The following GRID2 variants were observed in gnomAD, a reference collection of about 807,000 sequenced individuals.
The protein encoded by GRID2 is glutamate ionotropic receptor delta type subunit 2.
A neutral mutation model predicts 114.8 loss-of-function variants in GRID2; 33 were observed. That is an observed-to-expected ratio of 0.29 (90% CI 0.22 to 0.38). The LOEUF (loss-of-function observed/expected upper bound fraction) is 0.38. Ranked by LOEUF, GRID2 falls within the 10% of genes least tolerant of loss-of-function variation. GRID2 has a pLI of 1.00. For missense variants in GRID2, 1,184 were observed against 1,257.7 expected, an observed-to-expected ratio of 0.94 and a Z score of 0.89; for synonymous variants, 505 against 449.9, an observed-to-expected ratio of 1.12 and a Z score of -1.55.
intron 14 of GRID2, among the ~76,000 whole-genome samples, chr4:93,660,503 T>G (rs959999524): frequency 6.6e-6 from 1 of 152,208 alleles, no homozygotes; most frequent in African/African-American, 2.4e-5. Flanking sequence ...TTATTTTGAT[T>G]GAATCTTCTG....
intron 11 of GRID2, among the ~76,000 whole-genome samples, chr4:93,461,356 AAT>A (rs1723723015): frequency 6.6e-6 from 1 of 152,126 alleles, no homozygotes. Context: ...TGAAAAAGAG[AAT>A]AAATCAATGA....
chr4:93,635,456 A>G (rs1214549984), intron 14 of GRID2, among the ~76,000 whole-genome samples: 2 of 151,070 alleles, frequency 1.3e-5, no homozygotes, highest in Non-Finnish European at 3.0e-5. Context: ...ATTTTATGCT[A>G]TAAGATGTGA....
intron 1 of GRID2, among the ~76,000 whole-genome samples, chr4:92,444,210 G>C (rs1049767591): frequency 6.6e-6 from 1 of 152,166 alleles, no homozygotes; most frequent in African/African-American, 2.4e-5. Flanking sequence ...AAATTCATGC[G>C]CGTCTGTGTG....
At chr4:92,410,123 CT>C (rs1160902584) in intron 1 of GRID2, among the ~76,000 whole-genome samples, 1 of 152,170 alleles carries the variant, frequency 6.6e-6, no homozygotes, top group Admixed American at 6.6e-5. Context: ...TGCCATTAAA[CT>C]TTTTGGGTTT....
At chr4:93,289,469 C>G (rs1459917410) in intron 8 of GRID2, among the ~76,000 whole-genome samples, 1 of 152,126 alleles carries the variant, frequency 6.6e-6, no homozygotes, top group East Asian at 1.9e-4. Context: ...TTAAAGGATG[C>G]TGGCTGCCTG....
intron 2 of GRID2, among the ~76,000 whole-genome samples, chr4:93,005,906 C>T (rs1335247448): frequency 6.6e-6 from 1 of 152,048 alleles, no homozygotes; most frequent in African/African-American, 2.4e-5. Context: ...CTACCACTCT[C>T]CATTTACATC....
At chr4:93,614,043 G>A (rs1186243656) in intron 13 of GRID2, among the ~76,000 whole-genome samples, 3 of 152,176 alleles carry the variant, frequency 2.0e-5, no homozygotes, top group Admixed American at 2.0e-4. Flanking sequence ...GGTCTGAAAA[G>A]CGCAATATTC....
At chr4:92,827,436 T>G (rs1193141725) in intron 2 of GRID2, among the ~76,000 whole-genome samples, 4 of 151,926 alleles carry the variant, frequency 2.6e-5, no homozygotes, top group Non-Finnish European at 5.9e-5. Flanking sequence ...AGTCAATTTT[T>G]GTTACTATGT....
chr4:92,653,696 C>T (rs1052879692), intron 2 of GRID2, among the ~76,000 whole-genome samples: 1 of 152,036 alleles, frequency 6.6e-6, no homozygotes, highest in Non-Finnish European at 1.5e-5. Flanking sequence ...AGCTATAAAA[C>T]AATAGTGAGC....
rs144959303 is a variant in GRID2, at chr4:92,866,304, G to A, written c.245-218691G>A. ...TCAGTTGCTTCCTTCTCTGTCATCC[G>A]TATCACTTCATACAAATCTTTAGAA... On this transcript the variant is annotated intron_variant, in intron 2 of 15. Transcript: ENST00000282020. Among the ~76,000 whole-genome samples, 526 of 152,130 alleles carry A rather than the reference G, an allele frequency of 3.5e-3. 8 individuals are homozygous for A. The highest frequency in any genetic ancestry group is 0.012 in the African/African-American group (491 of 41,508).
chr4:93,255,812 G>A (rs183113125), intron 8 of GRID2, among the ~76,000 whole-genome samples: 270 of 152,098 alleles, frequency 1.8e-3, no homozygotes, highest in African/African-American at 6.3e-3. Context: ...GGAACTATGA[G>A]CTAAATAGAC....
At chr4:92,752,009 C>T (rs1311567035) in intron 2 of GRID2, among the ~76,000 whole-genome samples, 1 of 152,178 alleles carries the variant, frequency 6.6e-6, no homozygotes, top group African/African-American at 2.4e-5. Flanking sequence ...GTGCGAATTT[C>T]TCTGTCTCAG....
At chr4:92,806,901 C>G (rs1438751663) in intron 2 of GRID2, among the ~76,000 whole-genome samples, 1 of 151,390 alleles carries the variant, frequency 6.6e-6, no homozygotes, top group Non-Finnish European at 1.5e-5. Flanking sequence ...ATTTCAGAGA[C>G]CAAAAAAAAG....
intron 14 of GRID2, among the ~76,000 whole-genome samples, chr4:93,697,877 A>ATATATATATATATG (rs1727173616): frequency 6.7e-6 from 1 of 148,884 alleles, no homozygotes. Flanking sequence ...GTGTATATAT[A>ATATATATATATATG]TATTTCAAAA....
At chr4:92,821,455 C>CTGTT (rs201556013) in intron 2 of GRID2, among the ~76,000 whole-genome samples, 1 of 151,794 alleles carries the variant, frequency 6.6e-6, no homozygotes, top group Non-Finnish European at 1.5e-5. Context: ...ATTTTTGTAG[C>CTGTT]TGTTTGTTTT....
intron 2 of GRID2, among the ~76,000 whole-genome samples, chr4:92,965,037 T>A (rs1007414977): frequency 1.3e-5 from 2 of 152,016 alleles, no homozygotes; most frequent in African/African-American, 4.8e-5. Context: ...TCAAGCCTAA[T>A]ATTTTCTAAA....
intron 13 of GRID2, among the ~76,000 whole-genome samples, chr4:93,595,199 C>G (rs951214908): frequency 6.6e-6 from 1 of 152,184 alleles, no homozygotes. Flanking sequence ...CTGTAATATC[C>G]CTTTCTTCAA....
intron 1 of GRID2, among the ~76,000 whole-genome samples, chr4:93,796,031 G>C (rs1734793462): frequency 6.6e-6 from 1 of 152,138 alleles, no homozygotes; most frequent in African/African-American, 2.4e-5. Flanking sequence ...GCACTGACAG[G>C]ACAGAGGCCC....
Position 92,784,369 on chromosome 4 carries a change from A to C in GRID2, c.244+194083A>C, listed in dbSNP as rs773973542. Among the ~76,000 whole-genome samples the C allele has an allele frequency of 1.5e-4, 23 of 152,124 alleles. No individual in the cohort carries two copies. In the Middle Eastern group the frequency reaches 0.017, roughly 112 times the overall value. On this transcript the variant is annotated intron_variant, in intron 2 of 15. Transcript: ENST00000282020. ...AAAAACTTCACTGAGAATGATTGTT[A>C]AAATTATGTCAATGACTACCTGTTC...
Sources: allele counts gnomAD v4.1 joint callset (sites outside exome capture counted in the v4.1 genomes callset), GRCh38; gene constraint gnomAD v4.1.1; transcripts MANE v1.5; gene names NCBI Gene and HGNC (gene_info 2026-07-23, HGNC 2026-07-21).